Variants in VPS54 observed in about 807,000 individuals in gnomAD.
The protein encoded by VPS54 is vacuolar protein sorting-associated protein 54.
In VPS54, 45 loss-of-function variants were observed where a neutral mutation model predicts 121.5. The observed-to-expected ratio is 0.37, with a 90% CI of 0.29 to 0.47. VPS54 has a LOEUF of 0.47. VPS54 is among the 20% of genes least tolerant of loss of function. VPS54 has a pLI of 0.99. For missense variants in VPS54, 1,090 were observed against 1,131.4 expected (o/e 0.96, Z 0.52); for synonymous variants, 371 against 385.8 (o/e 0.96, Z 0.45).
In VPS54 at chr2:63,923,282, C is replaced by T. The variant is rs1330887672; in HGVS notation, c.1740-1947G>A. Among the ~76,000 whole-genome samples, 7 of 151,476 alleles carry T rather than the reference C, an allele frequency of 4.6e-5. No individual in the cohort carries two copies. The East Asian group carries it at 1.4e-3, about 29-fold the overall frequency. ...AGTGAGCCGAGATCGCACCACTGCA[C>T]TCCAGCCTGGGCAAAGGAGTGAGGA... On this transcript the variant is annotated intron_variant, in intron 12 of 22. Transcript: ENST00000272322.
chr2:63,987,087 T>C (rs186307508), intron 1 of VPS54, among the ~76,000 whole-genome samples: 3 of 152,294 alleles, frequency 2.0e-5, no homozygotes, highest in Admixed American at 2.0e-4. Flanking sequence ...TTCCATTTGT[T>C]CATTTTTGCT....
At chr2:63,986,569 T>TCCATATTTATTGCAGCA (rs1677063111) in intron 1 of VPS54, among the ~76,000 whole-genome samples, 1 of 152,242 alleles carries the variant, frequency 6.6e-6, no homozygotes, top group Non-Finnish European at 1.5e-5. Context: ...GCAATAAATA[T>TCCATATTTATTGCAGCA]GGATATCTCT....
intron 20 of VPS54, among the ~76,000 whole-genome samples, chr2:63,907,859 C>T (rs551917646): frequency 6.6e-6 from 1 of 152,258 alleles, no homozygotes; most frequent in Admixed American, 6.5e-5. Context: ...CTTAAAACCA[C>T]AATGAGTATC....
chr2:63,927,930 T>C (rs943776198), intron 12 of VPS54, among the ~76,000 whole-genome samples: 2 of 151,984 alleles, frequency 1.3e-5, no homozygotes, highest in Non-Finnish European at 2.9e-5. Flanking sequence ...AAGATCAAAT[T>C]AGTGAAATAA....
At chr2:63,897,992 C>T (rs1672516114) in intron 21 of VPS54, among the ~76,000 whole-genome samples, 1 of 152,060 alleles carries the variant, frequency 6.6e-6, no homozygotes, top group African/African-American at 2.4e-5. Context: ...TTCTTGCATG[C>T]AATGACCCAA....
chr2:63,941,653 G>A (rs1674736282), intron 11 of VPS54, among the ~76,000 whole-genome samples: 1 of 152,176 alleles, frequency 6.6e-6, no homozygotes, highest in African/African-American at 2.4e-5. Context: ...TTAAAATTAA[G>A]TGGCTTGACT....
chr2:64,018,462 C>T (rs1410571199), intron 1 of VPS54, among the ~76,000 whole-genome samples: 2 of 152,176 alleles, frequency 1.3e-5, no homozygotes, highest in African/African-American at 4.8e-5. Context: ...CAAATTATTT[C>T]AAGCTACATT....
intron 12 of VPS54, among the ~76,000 whole-genome samples, chr2:63,933,416 C>G (rs139562506): frequency 9.4e-4 from 143 of 152,254 alleles, no homozygotes; most frequent in African/African-American, 3.1e-3. Context: ...TACCTTATCA[C>G]TGAAATGAGG....
chr2:63,939,767 CT>C (rs70965152), intron 11 of VPS54, among the ~76,000 whole-genome samples: 131 of 146,576 alleles, frequency 8.9e-4, no homozygotes, highest in African/African-American at 2.4e-3. Flanking sequence ...TACATCTTGC[CT>C]TTTTTTTTTT....
intron 12 of VPS54, among the ~76,000 whole-genome samples, chr2:63,929,807 A>G (rs923903948): frequency 8.5e-5 from 13 of 152,156 alleles, no homozygotes; most frequent in African/African-American, 1.2e-4. Context: ...TCAAATAGAC[A>G]CAATAAAAAA....
chr2:63,916,737 C>T (rs370292321), intron 16 of VPS54, among the ~76,000 whole-genome samples, 163 bp downstream of exon 16: 68 of 152,080 alleles, frequency 4.5e-4, no homozygotes, highest in African/African-American at 1.6e-3. Flanking sequence ...TAAAGAAATC[C>T]ATAAAGTTTC....
chr2:63,917,727 G>A (rs910004202), intron 15 of VPS54, among the ~76,000 whole-genome samples: 2 of 151,970 alleles, frequency 1.3e-5, no homozygotes, highest in Non-Finnish European at 2.9e-5. Flanking sequence ...GTTAAGGACT[G>A]TGTCTTCATC....
chr2:63,970,242 A>AAT (rs1336592832), intron 4 of VPS54, among the ~76,000 whole-genome samples: 7 of 43,006 alleles, frequency 1.6e-4, no homozygotes, highest in African/African-American at 6.3e-4. Context: ...CACACATTCT[A>AAT]ATATATATAT....
intron 1 of VPS54, among the ~76,000 whole-genome samples, chr2:64,001,396 A>C (rs114618722): frequency 2.2e-4 from 34 of 152,240 alleles, no homozygotes; most frequent in African/African-American, 8.2e-4. Context: ...AAGATACAAG[A>C]CAAAGTCCCC....
chr2:63,947,971 G>A (rs1675066572), intron 8 of VPS54, among the ~76,000 whole-genome samples: 1 of 151,974 alleles, frequency 6.6e-6, no homozygotes, highest in Non-Finnish European at 1.5e-5. Context: ...CGAGTAGCTG[G>A]GACTAGAGGC....
intron 10 of VPS54, among the ~76,000 whole-genome samples, chr2:63,943,672 C>A (rs140733874): frequency 2.2e-3 from 339 of 151,836 alleles, no homozygotes; most frequent in Non-Finnish European, 4.1e-3. Flanking sequence ...AATATTATCA[C>A]TATTCTTCTT....
chr2:63,945,088 C>T (rs1674916842), intron 9 of VPS54, among the ~76,000 whole-genome samples: 3 of 152,194 alleles, frequency 2.0e-5, no homozygotes. Flanking sequence ...CACATGCACA[C>T]TTATGTCCAC....
intron 20 of VPS54, among the ~76,000 whole-genome samples, chr2:63,904,168 G>C (rs1161033198): frequency 1.3e-5 from 2 of 152,114 alleles, no homozygotes; most frequent in Non-Finnish European, 2.9e-5. Context: ...GGCCGGACGT[G>C]GTGGCTCACG....
At chr2:63,902,696 C>A (rs1414929286) in intron 20 of VPS54, among the ~76,000 whole-genome samples, 2 of 152,172 alleles carry the variant, frequency 1.3e-5, no homozygotes, top group African/African-American at 2.4e-5. Context: ...AGGCCGGGCA[C>A]AGTGGCTCAA....
Sources: allele counts gnomAD v4.1 joint callset (sites outside exome capture counted in the v4.1 genomes callset), GRCh38; gene constraint gnomAD v4.1.1; transcripts MANE v1.5; gene names NCBI Gene and HGNC (gene_info 2026-07-23, HGNC 2026-07-21).